Variants in COPG2 observed in about 807,000 individuals in gnomAD.
COPG2 encodes coat protein complex I subunit gamma 2, also known as coatomer subunit gamma-2.
Under a neutral mutation model 46.3 loss-of-function variants are expected in COPG2, and 37 were observed. That is an observed-to-expected ratio of 0.80 (90% CI 0.61 to 1.05). The LOEUF (loss-of-function observed/expected upper bound fraction) is 1.05. Among genes scored for constraint, COPG2 ranks in the 50% least tolerant of loss-of-function variants. COPG2 has a pLI of 0.00. For missense variants in COPG2, 427 were observed against 387.8 expected (o/e 1.10, Z -0.85); for synonymous variants, 159 against 129.7 (o/e 1.23, Z -1.53).
chr7:130,565,827 T>C (rs995448136), intron 9 of COPG2, among the ~76,000 whole-genome samples: 3 of 151,970 alleles, frequency 2.0e-5, no homozygotes, highest in Non-Finnish European at 4.4e-5. Context: ...AAAAGTTCAA[T>C]AGCAGACTTG....
At chr7:130,634,895 G>A (rs1412945217) in intron 5 of COPG2, among the ~76,000 whole-genome samples, 2 of 151,752 alleles carry the variant, frequency 1.3e-5, no homozygotes, top group Non-Finnish European at 2.9e-5. Flanking sequence ...TCAACACCTA[G>A]TTTTTTGAGA....
At chr7:130,525,802 G>T in intron 20 of COPG2, among the ~76,000 whole-genome samples, 1 of 152,288 alleles carries the variant, frequency 6.6e-6, no homozygotes, top group South Asian at 2.1e-4. Flanking sequence ...GGTGTTTGGT[G>T]CTGGAGTGTG....
intron 9 of COPG2, among the ~76,000 whole-genome samples, chr7:130,598,551 A>C (rs1794572786): frequency 6.6e-6 from 1 of 152,214 alleles, no homozygotes; most frequent in South Asian, 2.1e-4. Flanking sequence ...AGGCTATCTT[A>C]AAGACGAGAC....
At chr7:130,563,846 A>T (rs979760753) in intron 10 of COPG2, among the ~76,000 whole-genome samples, 28 of 150,242 alleles carry the variant, frequency 1.9e-4, no homozygotes, top group African/African-American at 5.6e-4. Context: ...TGCTCTTTTT[A>T]AAAAAAAATT....
chr7:130,614,850 C>T (rs1257531148), intron 6 of COPG2, among the ~76,000 whole-genome samples: 6 of 152,324 alleles, frequency 3.9e-5, no homozygotes, highest in African/African-American at 9.6e-5. Context: ...CTTTAAAACT[C>T]TCCTCAGACA....
At chr7:130,527,719 T>C (rs1799787158) in intron 20 of COPG2, among the ~76,000 whole-genome samples, 2 of 150,626 alleles carry the variant, frequency 1.3e-5, no homozygotes, top group African/African-American at 4.9e-5. Context: ...ATACGTGGAG[T>C]GCGAGGGGAA....
intron 12 of COPG2, among the ~76,000 whole-genome samples, chr7:130,555,738 G>A (rs1793610968): frequency 6.6e-6 from 1 of 152,200 alleles, no homozygotes; most frequent in Non-Finnish European, 1.5e-5. Context: ...CCTGAGACAT[G>A]AGAATTGGTT....
At chr7:130,653,570 A>C (rs960237041) in intron 4 of COPG2, among the ~76,000 whole-genome samples, 2 of 152,188 alleles carry the variant, frequency 1.3e-5, no homozygotes, top group East Asian at 3.9e-4. Context: ...CCTGGATCCA[A>C]GTAAGTACTA....
intron 12 of COPG2, among the ~76,000 whole-genome samples, chr7:130,558,374 C>G (rs1417786468): frequency 1.3e-5 from 2 of 152,144 alleles, no homozygotes; most frequent in Non-Finnish European, 2.9e-5. Context: ...AAGACGTCTG[C>G]TCCTGTTTTG....
At chr7:130,553,783 T>C (rs1793572141) in intron 14 of COPG2, among the ~76,000 whole-genome samples, 3 of 151,836 alleles carry the variant, frequency 2.0e-5, no homozygotes. Flanking sequence ...TAAATAAGAG[T>C]GAGGAGTGAT....
chr7:130,618,100 C>CCAAAAAA (rs570832787), intron 5 of COPG2, among the ~76,000 whole-genome samples: 3 of 64,604 alleles, frequency 4.6e-5, no homozygotes, highest in Non-Finnish European at 5.9e-5. Flanking sequence ...GACCCTGTCT[C>CCAAAAAA]AAAAAAAAAA....
chr7:130,543,309 A>T (rs1264850279), intron 20 of COPG2, among the ~76,000 whole-genome samples: 1 of 152,180 alleles, frequency 6.6e-6, no homozygotes, highest in Non-Finnish European at 1.5e-5. Flanking sequence ...GGGATTTAGG[A>T]ATGTCAGAGT....
At chr7:130,592,810 TAG>T (rs1413042805) in intron 9 of COPG2, among the ~76,000 whole-genome samples, 7 of 152,224 alleles carry the variant, frequency 4.6e-5, no homozygotes, top group Non-Finnish European at 1.0e-4. Flanking sequence ...AAATTTATGC[TAG>T]GTTGTCAAAA....
intron 9 of COPG2, among the ~76,000 whole-genome samples, chr7:130,577,740 C>G (rs1420195664): frequency 6.9e-5 from 10 of 145,810 alleles, no homozygotes; most frequent in African/African-American, 2.6e-4. Context: ...CGCAGTCTGG[C>G]CTGGGCGACA....
rs565331230 is a variant in COPG2 at position 130,639,949 on chromosome 7, TC to T, written c.323+12919del. ...AAAGAAAAAATAATGATGTGGCTTTTCCCCCACTCTTCACCCAACAGCCGTC... is the reference window on the plus strand; with the variant it reads ...AAAGAAAAAATAATGATGTGGCTTTTCCCCACTCTTCACCCAACAGCCGTC... On this transcript the variant is annotated intron_variant, in intron 5 of 23. Coordinates refer to ENST00000425248, the MANE Select transcript of COPG2 (RefSeq NM_012133.6). Among the ~76,000 whole-genome samples, 16 of 151,988 alleles carry T rather than the reference TC, an allele frequency of 1.1e-4. 1 individual carries two copies. The South Asian group carries it at 2.9e-3, about 28-fold the overall frequency.
intron 4 of COPG2, among the ~76,000 whole-genome samples, chr7:130,656,171 CTCTT>C (rs1466065214): frequency 6.6e-6 from 1 of 151,240 alleles, no homozygotes; most frequent in Non-Finnish European, 1.5e-5. Context: ...GTTTCTCTTC[CTCTT>C]TTTTTCCCCT....
At chr7:130,563,767 A>G (rs1444562483) in intron 10 of COPG2, among the ~76,000 whole-genome samples, 1 of 108,478 alleles carries the variant, frequency 9.2e-6, no homozygotes, top group Non-Finnish European at 1.7e-5. Flanking sequence ...AAAAAAAAAA[A>G]AAAAAAGAAA....
chr7:130,535,289 C>A (rs888491289), intron 20 of COPG2, among the ~76,000 whole-genome samples: 3 of 152,032 alleles, frequency 2.0e-5, no homozygotes, highest in Non-Finnish European at 4.4e-5. Flanking sequence ...GGAAGTGGGA[C>A]AATGAGGCAG....
At chr7:130,662,237 C>T (rs1795994503) in intron 4 of COPG2, among the ~76,000 whole-genome samples, 2 of 152,148 alleles carry the variant, frequency 1.3e-5, no homozygotes, top group South Asian at 2.1e-4. Flanking sequence ...AGATCTACTC[C>T]TAAAACCTCT....
Sources: allele counts gnomAD v4.1 joint callset (sites outside exome capture counted in the v4.1 genomes callset), GRCh38; gene constraint gnomAD v4.1.1; transcripts MANE v1.5; gene names NCBI Gene and HGNC (gene_info 2026-07-23, HGNC 2026-07-21).